The following CNTNAP2 variants were observed in gnomAD, a reference collection of about 807,000 sequenced individuals.
The protein encoded by CNTNAP2 is contactin associated protein 2, also known as contactin-associated protein-like 2.
Under a neutral mutation model 155.2 loss-of-function variants are expected in CNTNAP2, and 98 were observed. That is an observed-to-expected ratio of 0.63 (90% confidence interval 0.54 to 0.75). The LOEUF (loss-of-function observed/expected upper bound fraction) is 0.75. CNTNAP2 is among the 30% of genes least tolerant of loss of function. The probability of loss-of-function intolerance (pLI) is 0.00; values close to 1 mark genes in which losing one functional copy is unlikely to be tolerated. For synonymous variants in CNTNAP2, 651 were observed against 631.2 expected (o/e 1.03, Z -0.47); for missense variants, 1,727 against 1,688.1 (o/e 1.02, Z -0.40).
At position 148,152,595 on chromosome 7, in the gene CNTNAP2, C is replaced by T. The variant is rs555044301; in HGVS notation, c.2773+4886C>T. 3.9e-4 allele frequency among the ~76,000 whole-genome samples: 59 copies of T among 152,310 alleles called. 3 individuals carry two copies. In the South Asian group the frequency reaches 0.011, roughly 29 times the overall value. On this transcript the variant is annotated intron_variant, in intron 17 of 23. Transcript: ENST00000361727. The stretch of plus-strand genomic sequence containing the variant: ...TAAGGGATTCTAGAAACTACACCTA[C>T]ATTTTAACAGAGTTCAGGCCTCTCC...
intron 17 of CNTNAP2, among the ~76,000 whole-genome samples, chr7:148,168,493 A>G (rs1245196848): frequency 2.0e-5 from 3 of 147,534 alleles, no homozygotes; most frequent in African/African-American, 7.5e-5. Context: ...GTTCTCACTC[A>G]TAGGTGGGAA....
At chr7:146,638,997 A>T (rs1799660174) in intron 1 of CNTNAP2, among the ~76,000 whole-genome samples, 1 of 152,194 alleles carries the variant, frequency 6.6e-6, no homozygotes, top group African/African-American at 2.4e-5. Flanking sequence ...TATGGTAAGT[A>T]TTTGTGTGTC....
intron 3 of CNTNAP2, among the ~76,000 whole-genome samples, chr7:146,964,643 G>A (rs1054026334): frequency 1.6e-4 from 25 of 152,210 alleles, no homozygotes; most frequent in African/African-American, 6.0e-4. Flanking sequence ...AAATAGTTTG[G>A]GGCAAATGTT....
At position 147,712,311 on chromosome 7, in the gene CNTNAP2, G is replaced by A. The variant is rs549400223; in HGVS notation, c.2098+73005G>A. Among the ~76,000 whole-genome samples the A allele has an allele frequency of 1.3e-5, 2 of 152,306 alleles. 1 individual carries two copies. The highest frequency in any genetic ancestry group is 4.1e-4 in the South Asian group (2 of 4,828). ...ACACTGTTGGTGGGACTGTAAACTG[G>A]TTCAACCATTGTGGAAGACAGTGTG... On this transcript the variant is annotated intron_variant, in intron 13 of 23. Transcript: ENST00000361727.
At position 147,908,462 on chromosome 7, in the gene CNTNAP2, C is replaced by T. The variant is rs111867001; in HGVS notation, c.2255+4741C>T. ...CAGGCAGTCTGGGCATAGGTGCCTG[C>T]TGTTTACAAGTGTTGTCTGGGAGTC... On this transcript the variant is annotated intron_variant, in intron 14 of 23. Transcript: ENST00000361727. Among the ~76,000 whole-genome samples, 851 of 152,290 alleles carry T rather than the reference C, an allele frequency of 5.6e-3. 5 individuals carry two copies. The highest frequency in any genetic ancestry group is 9.2e-3 in the Non-Finnish European group (625 of 68,026).
At chr7:147,674,932 T>C (rs1025820054) in intron 13 of CNTNAP2, among the ~76,000 whole-genome samples, 4 of 152,046 alleles carry the variant, frequency 2.6e-5, no homozygotes, top group African/African-American at 9.7e-5. Flanking sequence ...CATTTTCCTA[T>C]CAGCTGTTTA....
chr7:147,552,568 C>T (rs1584808206), intron 11 of CNTNAP2, among the ~76,000 whole-genome samples: 2 of 135,458 alleles, frequency 1.5e-5, no homozygotes, highest in Non-Finnish European at 3.1e-5. Context: ...TTTTACTTTC[C>T]TCAACACACA....
At chr7:146,597,169 A>G (rs1798874507) in intron 1 of CNTNAP2, among the ~76,000 whole-genome samples, 1 of 152,072 alleles carries the variant, frequency 6.6e-6, no homozygotes, top group Non-Finnish European at 1.5e-5. Flanking sequence ...ATTGATCATC[A>G]CTGGTCTTTT....
At chr7:146,535,817 C>T (rs1797860463) in intron 1 of CNTNAP2, among the ~76,000 whole-genome samples, 1 of 151,900 alleles carries the variant, frequency 6.6e-6, no homozygotes, top group South Asian at 2.1e-4. Flanking sequence ...GTATTTATGT[C>T]CAAAAAGTAT....
intron 13 of CNTNAP2, among the ~76,000 whole-genome samples, chr7:147,884,686 A>G (rs936828986): frequency 1.3e-5 from 2 of 152,164 alleles, no homozygotes; most frequent in East Asian, 1.9e-4. Flanking sequence ...TTCACTGTTT[A>G]TATGTGTCCC....
chr7:148,213,874 A>T (rs573636866), intron 18 of CNTNAP2, among the ~76,000 whole-genome samples: 3 of 151,810 alleles, frequency 2.0e-5, no homozygotes, highest in Non-Finnish European at 2.9e-5. Flanking sequence ...GATCCCCAAC[A>T]CCCAGCTGAA....
intron 15 of CNTNAP2, among the ~76,000 whole-genome samples, chr7:148,089,365 T>A (rs1803794955): frequency 6.6e-6 from 1 of 151,954 alleles, no homozygotes; most frequent in Non-Finnish European, 1.5e-5. Flanking sequence ...AGTTAAATTG[T>A]CTCTGTTTGC....
chr7:148,129,620 A>G (rs575913830), intron 16 of CNTNAP2, among the ~76,000 whole-genome samples: 115 of 152,372 alleles, frequency 7.5e-4, no homozygotes, highest in African/African-American at 2.4e-3. Flanking sequence ...ATGACAAAAA[A>G]GTTAATAAAT....
intron 1 of CNTNAP2, among the ~76,000 whole-genome samples, chr7:146,536,552 TACTG>T (rs888207273): frequency 2.0e-5 from 3 of 151,626 alleles, no homozygotes; most frequent in Admixed American, 6.6e-5. Flanking sequence ...AAAAGCAGAG[TACTG>T]ACTGTTGACT....
chr7:148,288,300 T>C (rs968352517), intron 21 of CNTNAP2, among the ~76,000 whole-genome samples: 28 of 144,996 alleles, frequency 1.9e-4, no homozygotes, highest in South Asian at 1.6e-3. Context: ...GGGGTTTCAC[T>C]ATGTTGGCCA....
chr7:148,413,454 A>C (rs1259200290), intron 23 of CNTNAP2, among the ~76,000 whole-genome samples: 1 of 121,774 alleles, frequency 8.2e-6, no homozygotes, highest in Non-Finnish European at 1.7e-5. Context: ...ATATTGCTCC[A>C]TAGTTTTCTT....
chr7:146,196,881 G>T (rs920606694), intron 1 of CNTNAP2, among the ~76,000 whole-genome samples: 1 of 152,084 alleles, frequency 6.6e-6, no homozygotes, highest in Non-Finnish European at 1.5e-5. Context: ...TAGTACTCTA[G>T]GAGGCTTCAT....
chr7:147,599,730 T>C (rs1409413077), intron 12 of CNTNAP2, among the ~76,000 whole-genome samples: 1 of 152,144 alleles, frequency 6.6e-6, no homozygotes, highest in Admixed American at 6.5e-5. Flanking sequence ...GTATTCTCCA[T>C]GTGTGTGTCC....
At chr7:146,722,652 T>C (rs765534308) in intron 1 of CNTNAP2, among the ~76,000 whole-genome samples, 1 of 152,030 alleles carries the variant, frequency 6.6e-6, no homozygotes, top group Non-Finnish European at 1.5e-5. Context: ...CTAGGCATTA[T>C]GCCAAAATTA....
Sources: allele counts gnomAD v4.1 joint callset (sites outside exome capture counted in the v4.1 genomes callset), GRCh38; gene constraint gnomAD v4.1.1; transcripts MANE v1.5; gene names NCBI Gene and HGNC (gene_info 2026-07-23, HGNC 2026-07-21).